ZNF708: variants seen among roughly 807,000 people sequenced by gnomAD.
ZNF708 encodes ZNF15, ZNF15L1.
ZNF708 carries 44 observed loss-of-function variants against 47.0 expected under a neutral mutation model. The ratio of observed to expected loss-of-function variants is 0.94; its 90% CI spans 0.74 to 1.20. The LOEUF (loss-of-function observed/expected upper bound fraction) is 1.20. Ranked by LOEUF, ZNF708 falls within the 50% of genes most tolerant of loss-of-function variation. ZNF708 has a pLI of 0.00. For synonymous variants in ZNF708, 184 were observed against 218.5 expected, an observed-to-expected ratio of 0.84 and a Z score of 1.39; for missense variants, 557 against 656.0, an observed-to-expected ratio of 0.85 and a Z score of 1.65.
At chr19:21,298,472 C>T (rs1056784727) in intron 3 of ZNF708, among the ~76,000 whole-genome samples, 1 of 150,924 alleles carries the variant, frequency 6.6e-6, no homozygotes, top group African/African-American at 2.4e-5. Context: ...GTCCATGCTG[C>T]TGAATGTAAT....
At chr19:21,304,306 C>A (rs1033748272) in intron 3 of ZNF708, among the ~76,000 whole-genome samples, 1 of 150,880 alleles carries the variant, frequency 6.6e-6, no homozygotes, top group Middle Eastern at 3.4e-3. Flanking sequence ...ATCAATAGAG[C>A]GTAACCTTTT....
chr19:21,319,652 TG>T (rs1973087892), intron 1 of ZNF708, among the ~76,000 whole-genome samples: 1 of 151,966 alleles, frequency 6.6e-6, no homozygotes, highest in African/African-American at 2.4e-5. Context: ...CACGCGTGGC[TG>T]AACAGATGCT....
chr19:21,323,790 G>A lies in ZNF708; in HGVS notation c.3+5420C>T, dbSNP rs554170672. Reference sequence around the variant, plus strand: ...CAGGATAAAGACTTCTATGGCTGGGGTGAGCAGGCTGGGATATCTACAGAG... The same window carrying A: ...CAGGATAAAGACTTCTATGGCTGGGATGAGCAGGCTGGGATATCTACAGAG... On this transcript the variant is annotated intron_variant, in intron 1 of 3. Transcript: ENST00000356929. Among the ~76,000 whole-genome samples, 6 of 152,252 alleles carry A rather than the reference G, an allele frequency of 3.9e-5. No individual in the cohort carries two copies. In the South Asian group the frequency reaches 1.2e-3, roughly 32 times the overall value.
At chr19:21,301,532 C>T (rs1052758280) in intron 3 of ZNF708, among the ~76,000 whole-genome samples, 2 of 152,122 alleles carry the variant, frequency 1.3e-5, no homozygotes, top group Non-Finnish European at 2.9e-5. Context: ...AGGAGAGTTG[C>T]TTGAACTCGG....
At chr19:21,301,825 T>C (rs1280475362) in intron 3 of ZNF708, among the ~76,000 whole-genome samples, 2 of 129,246 alleles carry the variant, frequency 1.5e-5, no homozygotes, top group African/African-American at 6.1e-5. Flanking sequence ...CTAAGAACTT[T>C]CCAAATGTTG....
At chr19:21,307,483 A>G (rs1972809396) in intron 3 of ZNF708, among the ~76,000 whole-genome samples, 1 of 152,092 alleles carries the variant, frequency 6.6e-6, no homozygotes, top group Non-Finnish European at 1.5e-5. Context: ...TTAGCTGGGC[A>G]TGGTGGCACA....
At position 21,294,421 on chromosome 19, in the gene ZNF708, T is replaced by A; in HGVS notation, c.545A>T (p.Gln182Leu). The A allele has an allele frequency of 1.2e-6, 2 of 1,614,170 alleles. No individual in the cohort carries two copies. The highest frequency in any genetic ancestry group is 1.7e-6 in the Non-Finnish European group (2 of 1,179,992). ...ATGAATTATCTCATGTTGAGTTAGT[T>A]GTGAAAGCATGCAAAATGATTTGCC... ...ECGKSFCMLSQLTQHEIIHTG... is the reference protein window; with the variant it reads ...ECGKSFCMLSLLTQHEIIHTG... Residue 182 changes from glutamine (Q) to leucine (L), a missense_variant, in exon 4 of 4, where the codon CAA (glutamine) becomes CTA (leucine). Coordinates refer to ENST00000356929, the MANE Select transcript of ZNF708 (RefSeq NM_021269.3).
At chr19:21,308,106 A>G (rs1972823220) in intron 3 of ZNF708, among the ~76,000 whole-genome samples, 1 of 152,040 alleles carries the variant, frequency 6.6e-6, no homozygotes, top group African/African-American at 2.4e-5. Flanking sequence ...ATCAGAGAAG[A>G]CACAAGTTTT....
At chr19:21,312,205 C>T (rs758937380) in intron 1 of ZNF708, among the ~76,000 whole-genome samples, 3 of 151,742 alleles carry the variant, frequency 2.0e-5, no homozygotes, top group Non-Finnish European at 4.4e-5. Flanking sequence ...TGAGGCAGGA[C>T]AATCGCTTGA....
chr19:21,319,153 G>A (rs918859122), intron 1 of ZNF708, among the ~76,000 whole-genome samples: 2 of 151,970 alleles, frequency 1.3e-5, no homozygotes, highest in African/African-American at 4.8e-5. Flanking sequence ...TCATACTATT[G>A]TAGAAAATAC....
intron 1 of ZNF708, among the ~76,000 whole-genome samples, chr19:21,322,375 C>T (rs1439988163): frequency 6.6e-6 from 1 of 151,576 alleles, no homozygotes; most frequent in Non-Finnish European, 1.5e-5. Flanking sequence ...AATCTTGGCT[C>T]ATTGCAACCT....
intron 3 of ZNF708, among the ~76,000 whole-genome samples, chr19:21,304,647 G>C (rs1972724339): frequency 6.6e-6 from 1 of 152,148 alleles, no homozygotes; most frequent in East Asian, 1.9e-4. Flanking sequence ...CAACACTTTG[G>C]GAAAATCACA....
intron 3 of ZNF708, among the ~76,000 whole-genome samples, chr19:21,300,499 T>C (rs1972635995): frequency 7.0e-6 from 1 of 142,660 alleles, no homozygotes; most frequent in Non-Finnish European, 1.5e-5. Flanking sequence ...AGAACGAAAC[T>C]CTGTCTAAAA....
Position 21,307,032 on chromosome 19 carries a change from T to TA in ZNF708, c.226+2213dup, listed in dbSNP as rs1257085166. The TA allele has an allele frequency of 3.8e-4, 40 of 105,948 alleles. 1 individual carries two copies. Among genetic ancestry groups the TA allele is most frequent in the African/African-American group, 1.4e-3 (38 of 26,952 alleles). 6.6% of individuals were successfully genotyped at this position (105,948 alleles called of 1,614,324 possible). A position where few individuals can be genotyped will look rare whatever the true frequency, so the allele number is the denominator to read the frequency against. Reference sequence around the variant, plus strand: ...ACATAAAACATAACATAACATAACATACATAAAATAAAATAAAATAAAATA... The same window carrying TA: ...ACATAAAACATAACATAACATAACATAACATAAAATAAAATAAAATAAAATA... On this transcript the variant is annotated intron_variant, in intron 3 of 3. Coordinates refer to ENST00000356929, the MANE Select transcript of ZNF708 (RefSeq NM_021269.3).
intron 1 of ZNF708, among the ~76,000 whole-genome samples, chr19:21,323,244 A>G (rs182221656): frequency 0.012 from 1,800 of 152,330 alleles, 21 homozygotes; most frequent in Non-Finnish European, 0.018. Context: ...TATCTATCAC[A>G]TAGCAGACAC....
At chr19:21,313,646 T>C (rs1004375875) in intron 1 of ZNF708, among the ~76,000 whole-genome samples, 7 of 151,350 alleles carry the variant, frequency 4.6e-5, no homozygotes, top group African/African-American at 1.2e-4. Context: ...TAATCCCAGA[T>C]ACTCAGGAGG....
chr19:21,296,167 T>TG (rs1188786377), intron 3 of ZNF708, among the ~76,000 whole-genome samples: 1 of 150,908 alleles, frequency 6.6e-6, no homozygotes, highest in African/African-American at 2.4e-5. Flanking sequence ...GTCAAAGTCC[T>TG]GGGGAAAAAA....
At position 21,293,901 on chromosome 19, in the gene ZNF708, C is replaced by A; in HGVS notation, c.1065G>T (p.Lys355Asn). ...AGGGTTTCTCTTCAGTATGAATTATCTTATGTTTAGTAAGGGTTGAAAATA... is the reference window on the plus strand; with the variant it reads ...AGGGTTTCTCTTCAGTATGAATTATATTATGTTTAGTAAGGGTTGAAAATA... ...FSVFSTLTKH[K>N]IIHTEEKPYK... Residue 355 changes from lysine to asparagine, a missense_variant, in exon 4 of 4, where the codon AAG (lysine) becomes AAT (asparagine). By Grantham distance (94) the Lys-to-Asn change is moderately conservative (BLOSUM62 0). Coordinates refer to ENST00000356929, the MANE Select transcript of ZNF708 (RefSeq NM_021269.3). 6.2e-7 allele frequency: 1 copy of A among 1,612,840 alleles called. No homozygotes were observed. Among genetic ancestry groups the A allele is most frequent in the Non-Finnish European group, 8.5e-7 (1 of 1,179,682 alleles).
At position 21,291,517 on chromosome 19, in the gene ZNF708, G is replaced by A. The variant is rs1196631353; in HGVS notation, c.*1757C>T. Reference sequence around the variant, plus strand: ...AGAAATAGCATCAAGTAACTAGAGAGTTGAATCACAGCAATATTAGCTTTT... The same window carrying A: ...AGAAATAGCATCAAGTAACTAGAGAATTGAATCACAGCAATATTAGCTTTT... On this transcript the variant is annotated 3_prime_UTR_variant, in exon 4 of 4. Transcript: ENST00000356929. 6.6e-6 allele frequency: 1 copy of A among 152,122 alleles called. No individual in the cohort carries two copies. Among genetic ancestry groups the A allele is most frequent in the Non-Finnish European group, 1.5e-5 (1 of 68,024 alleles). The allele number at this position is 152,122 out of a possible 1,614,324, so 9.4% of individuals were successfully genotyped here.
Sources: allele counts gnomAD v4.1 joint callset (sites outside exome capture counted in the v4.1 genomes callset), GRCh38; gene constraint gnomAD v4.1.1; transcripts MANE v1.5; gene names NCBI Gene and HGNC (gene_info 2026-07-23, HGNC 2026-07-21).